Variants in GMPPB observed in about 807,000 individuals in gnomAD.
GMPPB encodes GDP-mannose pyrophosphorylase B.
A neutral mutation model predicts 40.3 loss-of-function variants in GMPPB; 38 were observed. That is an observed-to-expected ratio of 0.94 (90% confidence interval 0.73 to 1.24). The LOEUF is 1.24. GMPPB is among the 50% of genes most tolerant of loss of function. The pLI is 0.00. For synonymous variants in GMPPB, 193 were observed against 191.8 expected, an observed-to-expected ratio of 1.01 and a Z score of -0.05; for missense variants, 436 against 487.1, an observed-to-expected ratio of 0.90 and a Z score of 0.99.
At position 49,721,655 on chromosome 3, in the gene GMPPB, G is replaced by C; in HGVS notation, c.*97C>G. 1 of 1,206,924 alleles carries C rather than the reference G, an allele frequency of 8.3e-7. No individual in the cohort carries two copies. Among genetic ancestry groups the C allele is most frequent in the East Asian group, 2.4e-5 (1 of 42,380 alleles). The allele number at this position is 1,206,924 out of a possible 1,614,324, so 74.8% of individuals were successfully genotyped here. A position where few individuals can be genotyped will look rare whatever the true frequency, so the allele number is the denominator to read the frequency against. ...CTTCAGCTTCACCCAGTGCCCCCCA[G>C]ACAAATAATGACAAGTCCAGGGTCT... is the stretch of plus-strand genomic sequence containing the variant. On this transcript the variant is annotated 3_prime_UTR_variant, in exon 9 of 9. Transcript: ENST00000308388.
chr3:49,722,315 G>A lies in GMPPB; in HGVS notation c.684C>T (p.Gly228=). 1 of 1,613,998 alleles carries A rather than the reference G, an allele frequency of 6.2e-7. No individual in the cohort carries two copies. The highest frequency in any genetic ancestry group is 8.5e-7 in the Non-Finnish European group (1 of 1,180,020). The change falls in exon 7 of 9, where the codon GGC becomes GGT. Residue 228 remains glycine, a synonymous_variant. Coordinates refer to ENST00000308388, the MANE Select transcript of GMPPB (RefSeq NM_021971.4). The stretch of plus-strand genomic sequence containing the variant: ...TCAGTGACTGCAGGAAGAGGCACAT[G>A]CCAGTGAGGAAGTCCTTGGGCTGCC... ...DIGQPKDFLT[G]MCLFLQSLRQ...
rs2080373020 is a variant in GMPPB at position 49,720,371 on chromosome 3, G to A, written c.*1381C>T. On this transcript the variant is annotated 3_prime_UTR_variant, in exon 9 of 9. Coordinates refer to ENST00000308388, the MANE Select transcript of GMPPB (RefSeq NM_021971.4). Reference sequence around the variant, plus strand: ...CACCTTACTAGAATACAGGACTTGGGGTTTGGGAAGCAGGGAGACGGAAAG... The same window carrying A: ...CACCTTACTAGAATACAGGACTTGGAGTTTGGGAAGCAGGGAGACGGAAAG... 3.6e-6 allele frequency: 3 copies of A among 822,632 alleles called. No individual in the cohort carries two copies. The highest frequency in any genetic ancestry group is 5.3e-6 in the Non-Finnish European group (3 of 568,452). The allele number at this position is 822,632 out of a possible 1,614,324, so 51.0% of individuals were successfully genotyped here.
At chr3:49,723,194 G>A in intron 3 of GMPPB, 60 bp downstream of exon 3, 3 of 1,610,800 alleles carry the variant, frequency 1.9e-6, no homozygotes, top group Non-Finnish European at 1.7e-6. Context: ...CTCCAGGCTG[G>A]GTCTTACCCT....
In GMPPB at chr3:49,721,115, C is replaced by A. The variant is rs200170860; in HGVS notation, c.*637G>T. The A allele has an allele frequency of 4.6e-5, 74 of 1,613,664 alleles. No individual in the cohort carries two copies. The highest frequency in any genetic ancestry group is 1.3e-5 in the African/African-American group (1 of 74,912). On this transcript the variant is annotated 3_prime_UTR_variant, in exon 9 of 9. Coordinates refer to ENST00000308388, the MANE Select transcript of GMPPB (RefSeq NM_021971.4). Reference sequence around the variant, plus strand: ...GCCACAAGTCCTGCAAGTAAGTGGGCCCCACAGCTTGGTGGTGGGGAGAGC... The same window carrying A: ...GCCACAAGTCCTGCAAGTAAGTGGGACCCACAGCTTGGTGGTGGGGAGAGC...
Position 49,720,530 on chromosome 3 carries a change from G to A in GMPPB, c.*1222C>T. ...ACCTAGGAGAGAGCAAGCCACATCA[G>A]TGCTCCTGGCAGATCCCTGCTTCCA... On this transcript the variant is annotated 3_prime_UTR_variant, in exon 9 of 9. Coordinates refer to ENST00000308388, the MANE Select transcript of GMPPB (RefSeq NM_021971.4). 6.2e-7 allele frequency: 1 copy of A among 1,601,052 alleles called. No homozygotes were observed. The highest frequency in any genetic ancestry group is 8.5e-7 in the Non-Finnish European group (1 of 1,172,432).
chr3:49,723,939 T>C lies in GMPPB; in HGVS notation c.-213A>G. ...AACGCGACACCGGGTAGACGGCTGC[T>C]GGCCCCGAACTCAGGCCGGACCCGG... On this transcript the variant is annotated 5_prime_UTR_variant, in exon 1 of 9. Coordinates refer to ENST00000308388, the MANE Select transcript of GMPPB (RefSeq NM_021971.4). 1 of 486,326 alleles carries C rather than the reference T, an allele frequency of 2.1e-6. No homozygotes were observed. The highest frequency in any genetic ancestry group is 3.5e-6 in the Non-Finnish European group (1 of 282,470). The allele number at this position is 486,326 out of a possible 1,614,324, so 30.1% of individuals were successfully genotyped here.
chr3:49,721,248 G>A lies in GMPPB; in HGVS notation c.*504C>T, dbSNP rs772250566. ...GCTTCTTCTGCAAAACCACCATCGTGTCTGTAGAGGACTGGGAGAAGGGAG... is the reference window on the plus strand; with the variant it reads ...GCTTCTTCTGCAAAACCACCATCGTATCTGTAGAGGACTGGGAGAAGGGAG... On this transcript the variant is annotated 3_prime_UTR_variant, in exon 9 of 9. Coordinates refer to ENST00000308388, the MANE Select transcript of GMPPB (RefSeq NM_021971.4). 1.2e-6 allele frequency: 2 copies of A among 1,614,212 alleles called. No homozygotes were observed. Among genetic ancestry groups the A allele is most frequent in the Non-Finnish European group, 1.7e-6 (2 of 1,180,028 alleles).
rs1419335878 is a variant in GMPPB, at chr3:49,722,956, A to C, written c.402+16T>G. On this transcript the variant is annotated intron_variant, in intron 4 of 8. Transcript: ENST00000308388. The stretch of plus-strand genomic sequence containing the variant: ...GAGGGTGAAAGTGTCAAGAGAGAGA[A>C]GACCTGGCGCCTTACCAGGATGGAG... 6.2e-7 allele frequency: 1 copy of C among 1,611,598 alleles called. No homozygotes were observed. Among genetic ancestry groups the C allele is most frequent in the Non-Finnish European group, 8.5e-7 (1 of 1,178,754 alleles).
At position 49,720,402 on chromosome 3, in the gene GMPPB, A is replaced by AG. The variant is rs1017623961; in HGVS notation, c.*1349dup. On this transcript the variant is annotated 3_prime_UTR_variant, in exon 9 of 9. Coordinates refer to ENST00000308388, the MANE Select transcript of GMPPB (RefSeq NM_021971.4). ...GGAAGCAGGGAGACGGAAAGGATGC[A>AG]GGGGGGGTGATCATGTACGAGCCAT... The AG allele has an allele frequency of 1.8e-4, 201 of 1,125,386 alleles. No individual in the cohort carries two copies. The highest frequency in any genetic ancestry group is 1.1e-3 in the African/African-American group (68 of 64,082). 69.7% of individuals were successfully genotyped at this position (1,125,386 alleles called of 1,614,324 possible).
chr3:49,720,757 A>G lies in GMPPB; in HGVS notation c.*995T>C, dbSNP rs1455252147. The stretch of plus-strand genomic sequence containing the variant: ...GCTGGGAATATTCAAGAGGCATCAC[A>G]TCCTCAGCTACCTCTGACTTGACAC... On this transcript the variant is annotated 3_prime_UTR_variant, in exon 9 of 9. Transcript: ENST00000308388. The G allele has an allele frequency of 1.2e-6, 2 of 1,613,044 alleles. No individual in the cohort carries two copies. Among genetic ancestry groups the G allele is most frequent in the Admixed American group, 1.7e-5 (1 of 60,020 alleles).
chr3:49,720,325 A>G lies in GMPPB; in HGVS notation c.*1427T>C. The G allele has an allele frequency of 6.1e-6, 3 of 494,618 alleles. No individual in the cohort carries two copies. The highest frequency in any genetic ancestry group is 6.8e-5 in the East Asian group (2 of 29,570). 30.6% of individuals were successfully genotyped at this position (494,618 alleles called of 1,614,324 possible). A position where few individuals can be genotyped will look rare whatever the true frequency, so the allele number is the denominator to read the frequency against. On this transcript the variant is annotated 3_prime_UTR_variant, in exon 9 of 9. Coordinates refer to ENST00000308388, the MANE Select transcript of GMPPB (RefSeq NM_021971.4). ...AGCGAGACTCGTCTCAAGAAAAAAA[A>G]AAAAAAAACAGGCTGTGTGGCACCT...
At chr3:49,721,927 C>T (rs2080417627) in intron 8 of GMPPB, 38 bp downstream of exon 8, 2 of 1,613,552 alleles carry the variant, frequency 1.2e-6, no homozygotes, top group Admixed American at 1.7e-5. Flanking sequence ...GGCACACTCC[C>T]CGCCCCTCTC....
In GMPPB at chr3:49,722,222, G is replaced by A; in HGVS notation, c.768+9C>T. 1 of 1,611,718 alleles carries A rather than the reference G, an allele frequency of 6.2e-7. No individual in the cohort carries two copies. The highest frequency in any genetic ancestry group is 8.5e-7 in the Non-Finnish European group (1 of 1,178,540). On this transcript the variant is annotated intron_variant, in intron 7 of 8. Coordinates refer to ENST00000308388, the MANE Select transcript of GMPPB (RefSeq NM_021971.4). ...AGGGGGTTAATGATGGGCTGGGCAAGGGCCTCACCACCAGCACGTTGCCCA... is the reference window on the plus strand; with the variant it reads ...AGGGGGTTAATGATGGGCTGGGCAAAGGCCTCACCACCAGCACGTTGCCCA...
At position 49,722,971 on chromosome 3, in the gene GMPPB, C is replaced by T. The variant is rs145564018; in HGVS notation, c.402+1G>A. The T allele has an allele frequency of 5.6e-6, 9 of 1,613,222 alleles. No homozygotes were observed. The highest frequency in any genetic ancestry group is 7.6e-6 in the Non-Finnish European group (9 of 1,179,726). ...AAGAGAGAGAAGACCTGGCGCCTTA[C>T]CAGGATGGAGCCCTCCTGGCCATGG... On this transcript the variant is annotated splice_donor_variant, in intron 4 of 8. Coordinates refer to ENST00000308388, the MANE Select transcript of GMPPB (RefSeq NM_021971.4). LOFTEE classifies it high-confidence loss of function.
intron 7 of GMPPB, 41 bp from the exon 8 acceptor site, chr3:49,722,188 C>T: frequency 1.9e-6 from 3 of 1,607,716 alleles, no homozygotes; most frequent in Middle Eastern, 1.7e-4. Context: ...CACTTGTCTC[C>T]CAAGACTGAG....
In GMPPB at chr3:49,721,706, C is replaced by G; in HGVS notation, c.*46G>C. On this transcript the variant is annotated 3_prime_UTR_variant, in exon 9 of 9. Coordinates refer to ENST00000308388, the MANE Select transcript of GMPPB (RefSeq NM_021971.4). ...TCTGATGTGTCAGGCCAGCACTCCC[C>G]TTGCTGATGGGAAAACCGGGGCTCG... The G allele has an allele frequency of 1.9e-6, 3 of 1,546,172 alleles. No homozygotes were observed. The highest frequency in any genetic ancestry group is 2.6e-6 in the Non-Finnish European group (3 of 1,144,316).
chr3:49,722,986 C>T lies in GMPPB; in HGVS notation c.388G>A (p.Glu130Lys), dbSNP rs367734644. 1.2e-6 allele frequency: 2 copies of T among 1,613,774 alleles called. No homozygotes were observed. Among genetic ancestry groups the T allele is most frequent in the Non-Finnish European group, 1.7e-6 (2 of 1,179,940 alleles). Residue 130 changes from glutamate (E) to lysine (K), a missense_variant, in exon 4 of 9, where the codon GAG becomes AAG. Transcript: ENST00000308388. The stretch of plus-strand genomic sequence containing the variant: ...TGGCGCCTTACCAGGATGGAGCCCT[C>T]CTGGCCATGGTGCCGGTGGAACTGC... ...MVQFHRHHGQ[E>K]GSILVTKVEE...
chr3:49,723,286 G>A lies in GMPPB; in HGVS notation c.227C>T (p.Ser76Phe), dbSNP rs777491435. ...AQEQRLGIRI[S>F]MSHEEEPLGT... ...CAAAGGCTCCTCTTCATGGGACATG[G>A]AGATTCGGATTCCCAGCTGGAAGGA... Residue 76 changes from serine to phenylalanine, a missense_variant, in exon 3 of 9, where the codon TCC becomes TTC. Physicochemically the swap from Ser to Phe is radical, Grantham distance 155. Transcript: ENST00000308388. 6.2e-7 allele frequency: 1 copy of A among 1,614,212 alleles called. No homozygotes were observed. The highest frequency in any genetic ancestry group is 8.5e-7 in the Non-Finnish European group (1 of 1,180,036).
chr3:49,721,636 C>A lies in GMPPB; in HGVS notation c.*116G>T. On this transcript the variant is annotated 3_prime_UTR_variant, in exon 9 of 9. Transcript: ENST00000308388. ...GAAGGCAGGTGTCCAACAGCTTCAG[C>A]TTCACCCAGTGCCCCCCAGACAAAT... The A allele has an allele frequency of 9.5e-7, 1 of 1,054,784 alleles. No homozygotes were observed. The highest frequency in any genetic ancestry group is 2.0e-5 in the Admixed American group (1 of 50,998). The allele number at this position is 1,054,784 out of a possible 1,614,324, so 65.3% of individuals were successfully genotyped here. A position where few individuals can be genotyped will look rare whatever the true frequency, so the allele number is the denominator to read the frequency against.
Sources: allele counts gnomAD v4.1 joint callset, GRCh38; gene constraint gnomAD v4.1.1; transcripts MANE v1.5; gene names NCBI Gene and HGNC (gene_info 2026-07-23, HGNC 2026-07-21).